The following GRIN2D variants were observed in gnomAD, a reference collection of about 807,000 sequenced individuals.
GRIN2D encodes glutamate ionotropic receptor NMDA type subunit 2D, also known as glutamate receptor ionotropic, NMDA 2D.
GRIN2D carries 37 observed loss-of-function variants against 103.2 expected under a neutral mutation model. The ratio of observed to expected loss-of-function variants is 0.36; its 90% CI spans 0.28 to 0.47. The LOEUF (loss-of-function observed/expected upper bound fraction) is 0.47, where lower values mean the gene tolerates loss of function less well. Among genes scored for constraint, GRIN2D ranks in the 20% least tolerant of loss-of-function variants. The pLI is 1.00. For synonymous variants in GRIN2D, 845 were observed against 885.6 expected (o/e 0.95, Z 0.81); for missense variants, 1,557 against 1,910.6 (o/e 0.81, Z 3.45).
chr19:48,439,874 C>T (rs1265542712), intron 11 of GRIN2D, among the ~76,000 whole-genome samples: 1 of 152,054 alleles, frequency 6.6e-6, no homozygotes, highest in Non-Finnish European at 1.5e-5. Flanking sequence ...TCCGGGGAGG[C>T]GGAGGTTGTG....
Position 48,444,057 on chromosome 19 carries a change from G to T in GRIN2D, c.*120G>T. 1.6e-6 allele frequency: 1 copy of T among 607,392 alleles called. No homozygotes were observed. Among genetic ancestry groups the T allele is most frequent in the Non-Finnish European group, 2.5e-6 (1 of 395,956 alleles). The allele number at this position is 607,392 out of a possible 1,614,324, so 37.6% of individuals were successfully genotyped here. On this transcript the variant is annotated 3_prime_UTR_variant, in exon 14 of 14. Transcript: ENST00000263269. The surrounding 1 kb of genome is among the most constrained non-coding windows in gnomAD (Gnocchi z 5.5). ...AAAGCAGTGGAACTGGCCGGACCCC[G>T]CCTGGAGCAGCGTCCTGCGCCCCCT...
rs568239610 is a variant in GRIN2D at position 48,422,447 on chromosome 19, C to CA, written c.2252+508dup. Among the ~76,000 whole-genome samples, 160 of 152,026 alleles carry CA rather than the reference C, an allele frequency of 1.1e-3. 1 individual carries two copies. The highest frequency in any genetic ancestry group is 3.5e-3 in the African/African-American group (147 of 41,492). On this transcript the variant is annotated intron_variant, in intron 11 of 13. Coordinates refer to ENST00000263269, the MANE Select transcript of GRIN2D (RefSeq NM_000836.4). ...CCAACATGGTGAAACCTGGTCTCTA[C>CA]AAAAAATACAAAAATTAGCTGGGCG... is the stretch of plus-strand genomic sequence containing the variant.
Position 48,398,320 on chromosome 19 carries a change from G to C in GRIN2D, c.-26-47G>C, listed in dbSNP as rs1456520015. 5.2e-6 allele frequency: 4 copies of C among 776,374 alleles called. No homozygotes were observed. The African/African-American group carries it at 7.5e-5, about 15-fold the overall frequency. 48.1% of individuals were successfully genotyped at this position (776,374 alleles called of 1,614,324 possible). A position where few individuals can be genotyped will look rare whatever the true frequency, so the allele number is the denominator to read the frequency against. ...TCGTCTCCCTGTCCCTGCGTCTCCC[G>C]TCTGTGCCTCCCTCTCCTCCCCGTC... On this transcript the variant is annotated intron_variant, in intron 2 of 13. Transcript: ENST00000263269.
At chr19:48,419,508 G>C (rs1280053374) in intron 9 of GRIN2D, 77 bp from the exon 10 acceptor site, 1 of 1,358,050 alleles carries the variant, frequency 7.4e-7, no homozygotes, top group African/African-American at 1.7e-5. Flanking sequence ...GGGAATTGTA[G>C]TTCTTTCTTT....
intron 11 of GRIN2D, among the ~76,000 whole-genome samples, chr19:48,422,162 G>A (rs1486563636): frequency 3.3e-5 from 5 of 152,180 alleles, no homozygotes; most frequent in African/African-American, 1.2e-4. Flanking sequence ...TCTGGATTCT[G>A]GGGTGAGACT....
chr19:48,434,142 G>A (rs999759071), intron 11 of GRIN2D, among the ~76,000 whole-genome samples: 1 of 151,944 alleles, frequency 6.6e-6, no homozygotes, highest in African/African-American at 2.4e-5. Context: ...AGTAGAGACG[G>A]GGTTTCACCG....
intron 3 of GRIN2D, among the ~76,000 whole-genome samples, chr19:48,402,239 G>A (rs1970725498): frequency 1.3e-5 from 2 of 152,170 alleles, no homozygotes. Context: ...AATGAGAGTT[G>A]TGACAGTGAT....
chr19:48,419,245 C>G lies in GRIN2D; in HGVS notation c.1747C>G (p.Pro583Ala). The change falls in exon 9 of 14, where the codon CCC becomes GCC. Residue 583 changes from proline (P) to alanine (A), a missense_variant. Physicochemically the swap from Pro to Ala is conservative, Grantham distance 27. Around this residue, in one of 7 missense-constraint regions of GRIN2D, gnomAD observed 197 missense variants for 334.1 expected, o/e 0.59. Coordinates refer to ENST00000263269, the MANE Select transcript of GRIN2D (RefSeq NM_000836.4). ...TCCCTTGTCCCCAGAGCCCTACAGC[C>G]CCGCCGTGTGGGTGATGATGTTCGT... The part of the protein sequence containing the change: ...SPSAFLEPYS[P>A]AVWVMMFVMC... 1 of 1,608,378 alleles carries G rather than the reference C, an allele frequency of 6.2e-7. No homozygotes were observed.
chr19:48,441,925 C>T lies in GRIN2D; in HGVS notation c.2409C>T (p.Ile803=), dbSNP rs1421917165. 1.9e-6 allele frequency: 3 copies of T among 1,610,222 alleles called. No individual in the cohort carries two copies. The highest frequency in any genetic ancestry group is 2.5e-6 in the Non-Finnish European group (3 of 1,179,106). The change falls in exon 12 of 14, where the codon ATC becomes ATT. Residue 803 remains isoleucine, a synonymous_variant. Transcript: ENST00000263269. ...LHKGSRWKRP[I]DLALLQFLGD... ...AGGGCTCCCGCTGGAAGCGGCCCAT[C>T]GACCTGGCGTTGCTGCAGTTCCTGG...
At chr19:48,427,472 C>CTTTTTTT (rs1038381293) in intron 11 of GRIN2D, among the ~76,000 whole-genome samples, 39 of 83,254 alleles carry the variant, frequency 4.7e-4, no homozygotes, top group African/African-American at 6.1e-4. Context: ...ATCTTCTTTT[C>CTTTTTTT]TTTTTTTTTT....
chr19:48,401,343 T>C (rs1427961979), intron 3 of GRIN2D, among the ~76,000 whole-genome samples: 1 of 152,068 alleles, frequency 6.6e-6, no homozygotes, highest in Non-Finnish European at 1.5e-5. Context: ...CCAGTAACAG[T>C]AAAATCCGGC....
chr19:48,411,326 AAATAATAAT>A (rs200053542), intron 4 of GRIN2D, among the ~76,000 whole-genome samples: 31,394 of 138,078 alleles, frequency 0.23, 3,668 homozygotes, highest in South Asian at 0.33. Flanking sequence ...CCCCGTCTCA[AAATAATAAT>A]AATAATAATA....
chr19:48,433,549 C>T (rs10407689), intron 11 of GRIN2D, among the ~76,000 whole-genome samples: 3,312 of 152,252 alleles, frequency 0.022, 140 homozygotes, highest in African/African-American at 0.076. Context: ...CTCACCCTAC[C>T]GCTTCCGGCA....
At position 48,443,405 on chromosome 19, in the gene GRIN2D, G is replaced by A. The variant is rs1422044339; in HGVS notation, c.3479G>A (p.Gly1160Asp). ...GRYWSVDKLGGWRAGSWDYLP... is the reference protein window; with the variant it reads ...GRYWSVDKLGDWRAGSWDYLP... Reference sequence around the variant, plus strand: ...TACTGGTCGGTCGACAAGCTCGGGGGCTGGCGCGCCGGGAGCTGGGACTAC... The same window carrying A: ...TACTGGTCGGTCGACAAGCTCGGGGACTGGCGCGCCGGGAGCTGGGACTAC... Residue 1160 changes from glycine to aspartate, a missense_variant, in exon 14 of 14, where the codon GGC becomes GAC. Physicochemically the swap from Gly to Asp is moderately conservative, Grantham distance 94. Transcript: ENST00000263269. The surrounding 1 kb of genome is among the most constrained non-coding windows in gnomAD (Gnocchi z 8.9). The A allele has an allele frequency of 5.1e-5, 72 of 1,417,786 alleles. No homozygotes were observed. The highest frequency in any genetic ancestry group is 6.0e-5 in the Non-Finnish European group (65 of 1,090,028). 87.8% of individuals were successfully genotyped at this position (1,417,786 alleles called of 1,614,324 possible).
intron 11 of GRIN2D, among the ~76,000 whole-genome samples, chr19:48,427,618 A>G (rs1463117006): frequency 1.3e-5 from 2 of 150,206 alleles, no homozygotes; most frequent in Non-Finnish European, 3.0e-5. Context: ...AGCTGGGATT[A>G]CAGGCATCTG....
intron 11 of GRIN2D, among the ~76,000 whole-genome samples, chr19:48,434,607 A>ATT (rs906620965): frequency 1.4e-5 from 2 of 144,320 alleles, no homozygotes; most frequent in African/African-American, 5.1e-5. Flanking sequence ...TTTTAATTGT[A>ATT]TTTTTTTTTT....
intron 11 of GRIN2D, among the ~76,000 whole-genome samples, chr19:48,433,712 C>T (rs1336999486): frequency 6.6e-6 from 1 of 152,198 alleles, no homozygotes; most frequent in Non-Finnish European, 1.5e-5. Context: ...TATCAAGGCC[C>T]CTTTCCGTAA....
At chr19:48,440,021 G>A (rs1600995382) in intron 11 of GRIN2D, among the ~76,000 whole-genome samples, 2 of 152,152 alleles carry the variant, frequency 1.3e-5, no homozygotes, top group East Asian at 3.9e-4. Flanking sequence ...AGACCAGCCT[G>A]GCCAACATGG....
Position 48,442,009 on chromosome 19 carries a change from T to C in GRIN2D, c.2440+53T>C. The C allele has an allele frequency of 6.5e-7, 1 of 1,548,730 alleles. No individual in the cohort carries two copies. Among genetic ancestry groups the C allele is most frequent in the Non-Finnish European group, 8.8e-7 (1 of 1,139,544 alleles). ...GCGGAGAGGGGGAGGGCGAGGCCCC[T>C]GGGTTCCGGGGAAGAAAGGGACAAA... is the stretch of plus-strand genomic sequence containing the variant. On this transcript the variant is annotated intron_variant, in intron 12 of 13. Transcript: ENST00000263269. The surrounding 1 kb of genome is among the most constrained non-coding windows in gnomAD (Gnocchi z 7.2).
Sources: gnomAD v4.1 joint callset for allele counts (sites outside exome capture counted in the v4.1 genomes callset) on GRCh38, gnomAD v4.1.1 for gene constraint, gnomAD v4.1.1 regional missense constraint, Gnocchi (gnomAD v3.1) non-coding constraint, MANE v1.5 for transcripts, NCBI Gene and HGNC (gene_info 2026-07-23, HGNC 2026-07-21) for gene names.